DNAAF19: variants seen among roughly 807,000 people sequenced by gnomAD.
DNAAF19 encodes coiled-coil domain containing 103.
chr17:44,903,865 A>G, the DNAAF19 span: 7 of 1,535,688 alleles, frequency 4.6e-6, no homozygotes, highest in Non-Finnish European at 5.3e-6. Context: ...TCCTGTGGGC[A>G]TGGGGGCTCC....
the DNAAF19 span, chr17:44,905,011 C>G: frequency 6.4e-7 from 1 of 1,550,732 alleles, no homozygotes. Context: ...TCTTTGTCAC[C>G]ATTCACTTCT....
the DNAAF19 span, chr17:44,904,523 C>G: frequency 6.4e-7 from 1 of 1,550,434 alleles, no homozygotes; most frequent in South Asian, 1.2e-5. Flanking sequence ...GGACCACACG[C>G]CTGAGGTGCT....
chr17:44,904,107 T>G, the DNAAF19 span: 1 of 1,550,588 alleles, frequency 6.4e-7, no homozygotes, highest in South Asian at 1.2e-5. Context: ...GCAGCCCAGG[T>G]ACGTGTGGGC....
At chr17:44,903,079 C>T in the DNAAF19 span, 1 of 1,359,122 alleles carries the variant, frequency 7.4e-7, no homozygotes, top group East Asian at 2.7e-5. Flanking sequence ...TAGAGTCTGC[C>T]AAGCCTCTAG....
the DNAAF19 span, chr17:44,903,190 A>G: frequency 1.6e-6 from 2 of 1,269,104 alleles, no homozygotes; most frequent in Non-Finnish European, 2.0e-6. Context: ...TTTATGGTAA[A>G]CAAACACTGA....
chr17:44,902,386 G>A, the DNAAF19 span: 13 of 1,614,066 alleles, frequency 8.1e-6, no homozygotes, highest in Middle Eastern at 1.6e-4. Flanking sequence ...CCTCCAGCCC[G>A]AGACGTCTGC....
the DNAAF19 span, chr17:44,902,611 C>G: frequency 6.2e-7 from 1 of 1,614,180 alleles, no homozygotes; most frequent in Non-Finnish European, 8.5e-7. Context: ...GAGCACTGGG[C>G]GCTTCACCCT....
chr17:44,901,636 C>A, the DNAAF19 span: 1 of 1,614,124 alleles, frequency 6.2e-7, no homozygotes, highest in Non-Finnish European at 8.5e-7. Flanking sequence ...CAGGATGTGG[C>A]CACTGAAATC....
At chr17:44,903,031 G>A in the DNAAF19 span, 10 of 1,404,726 alleles carry the variant, frequency 7.1e-6, no homozygotes, top group South Asian at 8.4e-5. Context: ...GGACAGTCAA[G>A]AGCTCAGGAA....
the DNAAF19 span, chr17:44,903,825 C>A: frequency 6.5e-7 from 1 of 1,547,246 alleles, no homozygotes; most frequent in African/African-American, 1.4e-5. Context: ...CTGCCTCCTT[C>A]AGGTATGCAC....
At chr17:44,899,751 G>A in the DNAAF19 span, 1 of 152,286 alleles carries the variant, frequency 6.6e-6, no homozygotes, top group East Asian at 1.9e-4. Flanking sequence ...GGTCTGCGCG[G>A]GGTTGCCCTC....
chr17:44,902,793 G>C, the DNAAF19 span: 15 of 1,567,158 alleles, frequency 9.6e-6, no homozygotes, highest in Non-Finnish European at 1.3e-5. Flanking sequence ...TGCAGGAGCT[G>C]CTGGAGCTGT....
chr17:44,902,756 G>C, the DNAAF19 span: 1 of 1,601,794 alleles, frequency 6.2e-7, no homozygotes, highest in African/African-American at 1.3e-5. Flanking sequence ...GAGCAGTCTG[G>C]TGGGCTCCAG....
chr17:44,901,154 C>G, the DNAAF19 span: 2 of 1,599,474 alleles, frequency 1.3e-6, no homozygotes, highest in East Asian at 4.5e-5. Flanking sequence ...TGGCTCACTG[C>G]CATTTTTCTC....
the DNAAF19 span, chr17:44,903,322 G>T: frequency 2.4e-6 from 3 of 1,246,712 alleles, no homozygotes; most frequent in African/African-American, 1.5e-5. Context: ...CTCAGTTCTT[G>T]TGCAGGTTGG....
At chr17:44,903,745 C>T in the DNAAF19 span, 1 of 1,459,574 alleles carries the variant, frequency 6.9e-7, no homozygotes, top group East Asian at 2.5e-5. Flanking sequence ...CTAGAGGCTT[C>T]CGCTTAGCAG....
the DNAAF19 span, chr17:44,901,234 C>T: frequency 1.4e-6 from 2 of 1,423,534 alleles, no homozygotes; most frequent in Non-Finnish European, 1.9e-6. Context: ...TCAGTCCTGG[C>T]CCCACCGTCT....
chr17:44,904,209 C>A, the DNAAF19 span: 4 of 1,550,550 alleles, frequency 2.6e-6, no homozygotes, highest in Non-Finnish European at 2.6e-6. Context: ...TTCTGCGGCA[C>A]CCGCAAGGGG....
the DNAAF19 span, chr17:44,903,814 C>G: frequency 3.9e-6 from 6 of 1,544,986 alleles, no homozygotes; most frequent in Non-Finnish European, 4.4e-6. Flanking sequence ...CCCTCTGACC[C>G]CTGCCTCCTT....
Sources: allele counts gnomAD v4.1 joint callset, GRCh38; gene constraint gnomAD v4.1.1; transcripts MANE v1.5; gene names NCBI Gene and HGNC (gene_info 2026-07-23, HGNC 2026-07-21).